The following THSD7A variants were observed in gnomAD, a reference collection of about 807,000 sequenced individuals.
The protein encoded by THSD7A is thrombospondin type-1 domain-containing protein 7A.
THSD7A carries 96 observed loss-of-function variants against 231.3 expected under a neutral mutation model. The observed-to-expected ratio is 0.41, with a 90% CI of 0.35 to 0.49. The LOEUF is 0.49. Among genes scored for constraint, THSD7A ranks in the 20% least tolerant of loss-of-function variants. The probability of loss-of-function intolerance (pLI) is 0.05; values close to 1 mark genes in which losing one functional copy is unlikely to be tolerated. For synonymous variants in THSD7A, 940 were observed against 743.3 expected (o/e 1.26, Z -4.30); for missense variants, 2,290 against 2,070.2 (o/e 1.11, Z -2.06).
chr7:11,580,346 G>A (rs563449923), intron 4 of THSD7A, among the ~76,000 whole-genome samples: 84 of 152,104 alleles, frequency 5.5e-4, no homozygotes, highest in African/African-American at 1.6e-3. Context: ...TATTAAGGAC[G>A]GACCATGGTG....
chr7:11,455,825 T>C (rs980200240), intron 11 of THSD7A, among the ~76,000 whole-genome samples: 1 of 152,022 alleles, frequency 6.6e-6, no homozygotes, highest in African/African-American at 2.4e-5. Flanking sequence ...AGTAAACAGT[T>C]TACAATTTTT....
chr7:11,688,195 CG>C (rs1213604952), intron 1 of THSD7A, among the ~76,000 whole-genome samples: 1 of 151,408 alleles, frequency 6.6e-6, no homozygotes, highest in Non-Finnish European at 1.5e-5. Context: ...CTGAGAATGA[CG>C]GTTTCCCGCT....
intron 4 of THSD7A, among the ~76,000 whole-genome samples, chr7:11,564,740 G>A (rs754168930): frequency 1.3e-5 from 2 of 152,006 alleles, no homozygotes; most frequent in African/African-American, 2.4e-5. Context: ...CTATGCCCAC[G>A]ATGCCATATT....
chr7:11,439,675 C>A (rs1425022205), intron 13 of THSD7A, among the ~76,000 whole-genome samples: 4 of 151,962 alleles, frequency 2.6e-5, no homozygotes, highest in Non-Finnish European at 4.4e-5. Flanking sequence ...TCCCTTAAAC[C>A]AAAGCCTAAT....
At position 11,537,915 on chromosome 7, in the gene THSD7A, C is replaced by A. The variant is rs143740666; in HGVS notation, c.1822+3504G>T. ...TTCTTCAGCATTACTAGAAGCCAGC[C>A]GGTTTGACATGGTGCTGAGAGTCTT... On this transcript the variant is annotated intron_variant, in intron 6 of 27. Transcript: ENST00000423059. Among the ~76,000 whole-genome samples, 116 of 152,260 alleles carry A rather than the reference C, an allele frequency of 7.6e-4. 2 individuals are homozygous for A. In the East Asian group the frequency reaches 0.02, roughly 27 times the overall value.
intron 4 of THSD7A, among the ~76,000 whole-genome samples, chr7:11,544,675 A>G (rs1401750503): frequency 6.6e-6 from 1 of 152,240 alleles, no homozygotes; most frequent in Non-Finnish European, 1.5e-5. Flanking sequence ...GCACACAGTC[A>G]TAAATGCTAT....
intron 2 of THSD7A, among the ~76,000 whole-genome samples, chr7:11,610,415 T>A (rs565596488): frequency 1.4e-4 from 21 of 152,070 alleles, no homozygotes; most frequent in African/African-American, 4.3e-4. Flanking sequence ...AAAATACCAA[T>A]GTTGTAGGTA....
intron 4 of THSD7A, among the ~76,000 whole-genome samples, chr7:11,582,982 T>C (rs1791232940): frequency 6.6e-6 from 1 of 152,072 alleles, no homozygotes; most frequent in Admixed American, 6.6e-5. Flanking sequence ...ATTCTTATAT[T>C]CTGAACCTTC....
chr7:11,561,119 G>A (rs1038198674), intron 4 of THSD7A, among the ~76,000 whole-genome samples: 1 of 152,124 alleles, frequency 6.6e-6, no homozygotes, highest in Admixed American at 6.6e-5. Flanking sequence ...TGGCTCCATA[G>A]TCTTCAGTGT....
At chr7:11,731,981 G>A (rs1162732359) in intron 1 of THSD7A, among the ~76,000 whole-genome samples, 2 of 151,584 alleles carry the variant, frequency 1.3e-5, no homozygotes, top group Non-Finnish European at 3.0e-5. Flanking sequence ...GTTGCTATGT[G>A]TTCCAGGCAT....
intron 9 of THSD7A, among the ~76,000 whole-genome samples, chr7:11,466,784 C>T (rs1271444596): frequency 6.6e-6 from 1 of 152,046 alleles, no homozygotes; most frequent in Non-Finnish European, 1.5e-5. Context: ...GGCATTTTTG[C>T]ACTCTCTTGC....
intron 4 of THSD7A, among the ~76,000 whole-genome samples, chr7:11,584,525 T>C (rs1356400813): frequency 1.3e-5 from 2 of 152,064 alleles, no homozygotes; most frequent in African/African-American, 4.8e-5. Context: ...GTCTGTCACA[T>C]AGCTTGAATG....
chr7:11,713,407 A>G (rs1781028955), intron 1 of THSD7A, among the ~76,000 whole-genome samples: 1 of 151,180 alleles, frequency 6.6e-6, no homozygotes, highest in South Asian at 2.1e-4. Context: ...AAAAAGATAA[A>G]TTGACTCCTA....
intron 1 of THSD7A, among the ~76,000 whole-genome samples, chr7:11,748,874 A>C (rs1440681491): frequency 6.6e-6 from 1 of 152,036 alleles, no homozygotes; most frequent in Non-Finnish European, 1.5e-5. Context: ...ATAAATCATA[A>C]TACTTTGTTA....
In THSD7A at chr7:11,509,391, C is replaced by T. The variant is rs1787695901; in HGVS notation, c.1823-27409G>A. On this transcript the variant is annotated intron_variant, in intron 6 of 27. Transcript: ENST00000423059. ...CACATTCTCATCCAACAAAATTGTT[C>T]CAGATTTAGCTACCATACAATCTGA... Among the ~76,000 whole-genome samples the T allele has an allele frequency of 2.6e-5, 4 of 152,168 alleles. No individual in the cohort carries two copies. The South Asian group carries it at 8.3e-4, about 32-fold the overall frequency.
At chr7:11,518,615 A>ACG (rs990023136) in intron 6 of THSD7A, among the ~76,000 whole-genome samples, 2 of 151,872 alleles carry the variant, frequency 1.3e-5, no homozygotes, top group African/African-American at 4.8e-5. Flanking sequence ...ACACACACAC[A>ACG]CACACGCACA....
chr7:11,815,541 C>T lies in THSD7A; in HGVS notation c.190+16216G>A, dbSNP rs147748120. ...CTGCAGAGGAAAAAATAAAATATTACATCATTCTTATTAATAAACCTGAAA... is the reference window on the plus strand; with the variant it reads ...CTGCAGAGGAAAAAATAAAATATTATATCATTCTTATTAATAAACCTGAAA... On this transcript the variant is annotated intron_variant, in intron 1 of 27. Coordinates refer to ENST00000423059, the MANE Select transcript of THSD7A (RefSeq NM_015204.3). Among the ~76,000 whole-genome samples, 350 of 152,092 alleles carry T rather than the reference C, an allele frequency of 2.3e-3. 3 individuals are homozygous for T. Among genetic ancestry groups the T allele is most frequent in the African/African-American group, 7.7e-3 (321 of 41,496 alleles).
At chr7:11,589,786 A>C (rs1780080146) in intron 4 of THSD7A, among the ~76,000 whole-genome samples, 1 of 152,182 alleles carries the variant, frequency 6.6e-6, no homozygotes, top group African/African-American at 2.4e-5. Context: ...CACTTAATCA[A>C]ATAATTATGA....
intron 4 of THSD7A, among the ~76,000 whole-genome samples, chr7:11,543,940 T>C (rs913126849): frequency 6.6e-6 from 1 of 152,184 alleles, no homozygotes; most frequent in African/African-American, 2.4e-5. Context: ...TGTAAAACTA[T>C]ATGGACAGAG....
Sources: allele counts gnomAD v4.1 joint callset (sites outside exome capture counted in the v4.1 genomes callset), GRCh38; gene constraint gnomAD v4.1.1; transcripts MANE v1.5; gene names NCBI Gene and HGNC (gene_info 2026-07-23, HGNC 2026-07-21).